The following DPP6 variants were observed in gnomAD, a reference collection of about 807,000 sequenced individuals.
DPP6 encodes dipeptidyl peptidase like 6.
DPP6 carries 69 observed loss-of-function variants against 122.6 expected under a neutral mutation model. That is an observed-to-expected ratio of 0.56 (90% CI 0.46 to 0.69). The LOEUF (loss-of-function observed/expected upper bound fraction) is 0.69. Among genes scored for constraint, DPP6 ranks in the 30% least tolerant of loss-of-function variants. The probability of loss-of-function intolerance (pLI) is 0.00; values close to 1 mark genes in which losing one functional copy is unlikely to be tolerated. For synonymous variants in DPP6, 418 were observed against 433.1 expected (o/e 0.97, Z 0.43); for missense variants, 928 against 1,116.9 (o/e 0.83, Z 2.41).
At chr7:154,851,692 C>T (rs1802394930) in intron 16 of DPP6, among the ~76,000 whole-genome samples, 1 of 152,218 alleles carries the variant, frequency 6.6e-6, no homozygotes, top group Admixed American at 6.5e-5. Context: ...TACTCAGTTA[C>T]ATTTGAATTT....
At position 154,720,208 on chromosome 7, in the gene DPP6, A is replaced by G. The variant is rs1438984682; in HGVS notation, c.763-7559A>G. Among the ~76,000 whole-genome samples the G allele has an allele frequency of 2.0e-5, 3 of 152,186 alleles. No individual in the cohort carries two copies. In the East Asian group the frequency reaches 5.8e-4, roughly 29 times the overall value. ...AGGAGAAGAGTGAATCGATGGACTGAGGAGGGAACACACCTGTGCTATGCC... is the reference window on the plus strand; with the variant it reads ...AGGAGAAGAGTGAATCGATGGACTGGGGAGGGAACACACCTGTGCTATGCC... On this transcript the variant is annotated intron_variant, in intron 7 of 25. Transcript: ENST00000377770.
chr7:153,759,155 T>G, the DPP6 span, among the ~76,000 whole-genome samples: 1 of 152,102 alleles, frequency 6.6e-6, no homozygotes, highest in Admixed American at 6.5e-5. Context: ...AGATGCTTAT[T>G]TCCATCCACA....
chr7:154,692,245 A>G (rs1239177661), intron 7 of DPP6, among the ~76,000 whole-genome samples: 3 of 152,238 alleles, frequency 2.0e-5, no homozygotes, highest in Non-Finnish European at 2.9e-5. Flanking sequence ...ATGGACTTGT[A>G]GCAAGACAAG....
chr7:154,133,948 C>T (rs1206744659), intron 1 of DPP6, among the ~76,000 whole-genome samples: 2 of 151,606 alleles, frequency 1.3e-5, no homozygotes, highest in Admixed American at 1.3e-4. Flanking sequence ...GCTCAGCAGC[C>T]TGCCAATGTG....
chr7:154,659,127 T>C (rs1475739326), intron 6 of DPP6, among the ~76,000 whole-genome samples: 2 of 152,172 alleles, frequency 1.3e-5, no homozygotes, highest in Non-Finnish European at 2.9e-5. Context: ...CTGCAAGAAA[T>C]CAAATTCCAA....
rs1319253119 is a variant in DPP6 at position 154,575,046 on chromosome 7, GGT to G, written c.627+8138_627+8139del. On this transcript the variant is annotated intron_variant, in intron 5 of 25. Coordinates refer to ENST00000377770, the MANE Select transcript of DPP6 (RefSeq NM_130797.4). ...TGTATGTGTGTGGTGTGTGTGGTGT[GGT>G]GTGTGTGGTGTGTTTGGTGTGTTGT... Among the ~76,000 whole-genome samples, 729 of 126,390 alleles carry G rather than the reference GGT, an allele frequency of 5.8e-3. 10 individuals carry two copies. The highest frequency in any genetic ancestry group is 0.019 in the African/African-American group (623 of 33,030). 82.9% of individuals were successfully genotyped at this position (126,390 alleles called of 152,430 possible). A position where few individuals can be genotyped will look rare whatever the true frequency, so the allele number is the denominator to read the frequency against.
chr7:153,817,011 CAT>C, the DPP6 span, among the ~76,000 whole-genome samples: 910 of 147,792 alleles, frequency 6.2e-3, 7 homozygotes, highest in African/African-American at 0.021. Context: ...TATGGGGAAA[CAT>C]AAAATTCTTG....
At chr7:154,886,188 G>T (rs1027420904) in intron 22 of DPP6, among the ~76,000 whole-genome samples, 1 of 152,248 alleles carries the variant, frequency 6.6e-6, no homozygotes, top group African/African-American at 2.4e-5. Flanking sequence ...ATAAGGAAGG[G>T]ATGGTTGGGA....
At chr7:154,354,110 A>C (rs1008645700) in intron 1 of DPP6, among the ~76,000 whole-genome samples, 1 of 152,174 alleles carries the variant, frequency 6.6e-6, no homozygotes, top group African/African-American at 2.4e-5. Flanking sequence ...AAATCAGGAA[A>C]GCAGGAGGAA....
At chr7:154,304,222 A>C (rs1320670319) in intron 1 of DPP6, among the ~76,000 whole-genome samples, 2 of 152,236 alleles carry the variant, frequency 1.3e-5, no homozygotes, top group Non-Finnish European at 1.5e-5. Flanking sequence ...GCTTGGCCAC[A>C]TGCTGGCCTG....
intron 4 of DPP6, among the ~76,000 whole-genome samples, chr7:154,554,169 A>G (rs1829849262): frequency 6.6e-6 from 1 of 152,168 alleles, no homozygotes; most frequent in South Asian, 2.1e-4. Flanking sequence ...GGCTGTGGCC[A>G]CTATCATTAA....
chr7:154,051,878 C>T (rs1208362533), upstream of DPP6, among the ~76,000 whole-genome samples: 2 of 151,268 alleles, frequency 1.3e-5, no homozygotes, highest in East Asian at 2.0e-4. Context: ...CAGCGTCGTC[C>T]GACCACCCCG....
At chr7:153,843,099 C>T in the DPP6 span, among the ~76,000 whole-genome samples, 2 of 150,868 alleles carry the variant, frequency 1.3e-5, no homozygotes, top group African/African-American at 2.5e-5. Context: ...CGAGTGCATA[C>T]ACACACGAGT....
At position 154,821,034 on chromosome 7, in the gene DPP6, G is replaced by A. The variant is rs527505281; in HGVS notation, c.1666+13922G>A. Among the ~76,000 whole-genome samples the A allele has an allele frequency of 5.8e-4, 88 of 152,274 alleles. No individual in the cohort carries two copies. Among genetic ancestry groups the A allele is most frequent in the Non-Finnish European group, 1.2e-3 (80 of 68,032 alleles). On this transcript the variant is annotated intron_variant, in intron 16 of 25. Coordinates refer to ENST00000377770, the MANE Select transcript of DPP6 (RefSeq NM_130797.4). The surrounding 1 kb of genome is among the most constrained non-coding windows in gnomAD (Gnocchi z 4.2). ...TTACTGAAAGCATATTCTTAAGGCC[G>A]GTGTTGGGGATGCCCTTCTGGCTAC...
chr7:154,883,551 CCTG>C (rs1219098795), intron 21 of DPP6: 2 of 77,420 alleles, frequency 2.6e-5, no homozygotes, highest in East Asian at 6.8e-4. Context: ...TTCACACACA[CCTG>C]CTCACACATA....
At chr7:154,671,117 A>G (rs1473201549) in intron 7 of DPP6, among the ~76,000 whole-genome samples, 2 of 152,256 alleles carry the variant, frequency 1.3e-5, no homozygotes, top group African/African-American at 4.8e-5. Flanking sequence ...CAATTTGATA[A>G]GAGATTGTAG....
intron 7 of DPP6, among the ~76,000 whole-genome samples, chr7:154,674,872 A>G (rs1238622348): frequency 6.6e-6 from 1 of 152,174 alleles, no homozygotes; most frequent in East Asian, 1.9e-4. Context: ...CACAGCTTAG[A>G]AGGAAAGGCC....
chr7:154,648,217 G>A (rs962559613), intron 6 of DPP6, among the ~76,000 whole-genome samples: 13 of 151,312 alleles, frequency 8.6e-5, no homozygotes, highest in Non-Finnish European at 4.4e-5. Flanking sequence ...ACAGTGAGCC[G>A]AGATTGTGCC....
chr7:154,371,378 C>CA (rs1167770083), intron 1 of DPP6, among the ~76,000 whole-genome samples: 2,843 of 47,722 alleles, frequency 0.06, 334 homozygotes, highest in African/African-American at 0.073. Flanking sequence ...AACTCTGTCT[C>CA]AAAAAAAAAA....
Sources: gnomAD v4.1 joint callset for allele counts (sites outside exome capture counted in the v4.1 genomes callset) on GRCh38, gnomAD v4.1.1 for gene constraint, Gnocchi (gnomAD v3.1) non-coding constraint, MANE v1.5 for transcripts, NCBI Gene and HGNC (gene_info 2026-07-23, HGNC 2026-07-21) for gene names.